Variants in ERI2 observed in about 807,000 individuals in gnomAD.
ERI2 encodes ERI1 exoribonuclease family member 2.
A neutral mutation model predicts 46.8 loss-of-function variants in ERI2; 35 were observed. The ratio of observed to expected loss-of-function variants is 0.75; its 90% CI spans 0.57 to 0.99. The LOEUF (loss-of-function observed/expected upper bound fraction) is 0.99, where lower values mean the gene tolerates loss of function less well. ERI2 is among the 50% of genes least tolerant of loss of function. ERI2 has a pLI of 0.00. For missense variants in ERI2, 695 were observed against 796.2 expected, an observed-to-expected ratio of 0.87 and a Z score of 1.53; for synonymous variants, 224 against 271.0, an observed-to-expected ratio of 0.83 and a Z score of 1.70.
At chr16:20,801,401 C>A in intron 4 of ERI2, 42 bp from the exon 5 acceptor site, 2 of 1,533,250 alleles carry the variant, frequency 1.3e-6, no homozygotes, top group South Asian at 1.3e-5. Context: ...CAATCAAATT[C>A]CATTATTATT....
chr16:20,803,816 A>G, intron 1 of ERI2, 146 bp from the exon 2 acceptor site: 1 of 958,030 alleles, frequency 1.0e-6, no homozygotes, highest in South Asian at 1.6e-5. Context: ...CTTTACCTGC[A>G]CAGGCCTCGA....
intron 10 of ERI2, chr16:20,781,914 T>A: frequency 1.5e-6 from 1 of 674,950 alleles, no homozygotes; most frequent in Non-Finnish European, 2.6e-6. Flanking sequence ...ATCTCTCCTC[T>A]TCCTCTTTCT....
At chr16:20,787,049 G>T (rs529889933) in intron 10 of ERI2, among the ~76,000 whole-genome samples, 1 of 152,142 alleles carries the variant, frequency 6.6e-6, no homozygotes, top group Non-Finnish European at 1.5e-5. Context: ...ATGCCTAGGG[G>T]GAATTCCAGT....
downstream of ERI2, among the ~76,000 whole-genome samples, chr16:20,794,419 C>T (rs1289982937): frequency 2.0e-5 from 3 of 152,108 alleles, no homozygotes; most frequent in Non-Finnish European, 4.4e-5. Context: ...CCATCCAATG[C>T]GATAGCCATG....
intron 10 of ERI2, among the ~76,000 whole-genome samples, chr16:20,788,065 T>A (rs1046948903): frequency 6.6e-6 from 1 of 152,208 alleles, no homozygotes; most frequent in African/African-American, 2.4e-5. Flanking sequence ...ATGGGTACTG[T>A]TATTTACTTC....
In ERI2 at chr16:20,790,994, C is replaced by A; in HGVS notation, c.733-62G>T. On this transcript the variant is annotated intron_variant, in intron 8 of 10. Coordinates refer to the ERI2 transcript ENST00000300005. The surrounding 1 kb of genome is among the most constrained non-coding windows in gnomAD (Gnocchi z 4.0). Reference sequence around the variant, plus strand: ...TCTCAATTATCAAACAAAACCCACTCATTTTCCTGAAATCCAGTTAGTGCT... The same window carrying A: ...TCTCAATTATCAAACAAAACCCACTAATTTTCCTGAAATCCAGTTAGTGCT... 6.5e-7 allele frequency: 1 copy of A among 1,545,270 alleles called. No homozygotes were observed. Among genetic ancestry groups the A allele is most frequent in the South Asian group, 1.1e-5 (1 of 87,336 alleles).
chr16:20,781,654 A>C, intron 10 of ERI2: 1 of 1,302,340 alleles, frequency 7.7e-7, no homozygotes, highest in Non-Finnish European at 1.1e-6. Context: ...AAAGACATTT[A>C]AGCACTTATT....
chr16:20,797,859 T>C lies in ERI2; in HGVS notation c.1941A>G (p.Arg647=), dbSNP rs1453422550. ...AATGAGATGGAACCATGCTGTTGGC[T>C]CTTTCCTTTTGAAGTGTTTGTTCCC... The part of the protein sequence containing the change: ...FKWEQTLQKE[R]ANSMVPSHST... Residue 647 remains arginine, a synonymous_variant, in exon 9 of 9, where the codon AGA becomes AGG. Coordinates refer to ENST00000357967, the MANE Select transcript of ERI2 (RefSeq NM_001142725.2). The C allele has an allele frequency of 6.4e-7, 1 of 1,551,508 alleles. No individual in the cohort carries two copies. The highest frequency in any genetic ancestry group is 8.7e-7 in the Non-Finnish European group (1 of 1,146,930).
chr16:20,796,492 A>G lies in ERI2; in HGVS notation c.*1232T>C. 1.2e-6 allele frequency: 2 copies of G among 1,610,948 alleles called. No homozygotes were observed. The highest frequency in any genetic ancestry group is 1.1e-5 in the South Asian group (1 of 90,346). On this transcript the variant is annotated 3_prime_UTR_variant, in exon 9 of 9. Transcript: ENST00000357967. ...CACCTTACAAATATCCCAGAAAGGT[A>G]GGCATCCTAATTATAACGAATATTT...
At chr16:20,796,174 G>T, downstream of ERI2, 1 of 873,220 alleles carries the variant, frequency 1.1e-6, no homozygotes, top group Non-Finnish European at 1.6e-6. Flanking sequence ...GTTGTTACAG[G>T]GGTCCCAGAA....
rs1471600452 is a variant in ERI2, at chr16:20,806,408, C to A, written c.23G>T (p.Arg8Leu). 5 of 1,550,730 alleles carry A rather than the reference C, an allele frequency of 3.2e-6. No homozygotes were observed. The African/African-American group carries it at 4.1e-5, about 13-fold the overall frequency. The part of the protein sequence containing the change: MATKRLA[R>L]QLGLIRRKSI... Reference sequence around the variant, plus strand: ...CCCGACCCGGAACTCCCTCGAGTACCGCGCGAGCCGCTTGGTCGCCATTCC... The same window carrying A: ...CCCGACCCGGAACTCCCTCGAGTACAGCGCGAGCCGCTTGGTCGCCATTCC... Residue 8 changes from arginine (R) to leucine (L), a missense_variant and splice_region_variant, in exon 1 of 9, where the codon CGG (arginine) becomes CTG (leucine). Arg to Leu is a moderately radical substitution (Grantham distance 102). Transcript: ENST00000357967.
chr16:20,788,701 C>T (rs1349065919), intron 10 of ERI2, among the ~76,000 whole-genome samples: 1 of 152,124 alleles, frequency 6.6e-6, no homozygotes, highest in East Asian at 1.9e-4. Flanking sequence ...TTTTAAGACC[C>T]TATGAACAAT....
rs1233840890 is a variant in ERI2, at chr16:20,797,735, T to C, written c.2065A>G (p.Met689Val). 7 of 1,544,648 alleles carry C rather than the reference T, an allele frequency of 4.5e-6. No homozygotes were observed. Among genetic ancestry groups the C allele is most frequent in the South Asian group, 2.4e-5 (2 of 82,506 alleles). The change falls in exon 9 of 9, where the codon ATG becomes GTG. Residue 689 changes from methionine to valine, a missense_variant. Coordinates refer to ENST00000357967, the MANE Select transcript of ERI2 (RefSeq NM_001142725.2). Reference sequence around the variant, plus strand: ...TACATGAAAGGTTATCAATTCCTCATTGAAGGCCTGAGTCTCAAAGAATTT... The same window carrying C: ...TACATGAAAGGTTATCAATTCCTCACTGAAGGCCTGAGTCTCAAAGAATTT... ...TKNSLRLRPS[M>V]RN
At chr16:20,795,195 T>G (rs543553951), downstream of ERI2, among the ~76,000 whole-genome samples, 3 of 152,276 alleles carry the variant, frequency 2.0e-5, no homozygotes, top group South Asian at 2.1e-4. Context: ...TGTTGTTGTT[T>G]TTTTTCTTAG....
intron 10 of ERI2, chr16:20,781,033 CA>C: frequency 6.2e-7 from 1 of 1,614,188 alleles, no homozygotes; most frequent in Non-Finnish European, 8.5e-7. Context: ...ACGGGCTGGG[CA>C]AAGTCTGCAT....
In ERI2 at chr16:20,797,860, C is replaced by G. The variant is rs1488192114; in HGVS notation, c.1940G>C (p.Arg647Thr). ...FKWEQTLQKE[R>T]ANSMVPSHST... The stretch of plus-strand genomic sequence containing the variant: ...ATGAGATGGAACCATGCTGTTGGCT[C>G]TTTCCTTTTGAAGTGTTTGTTCCCA... Residue 647 changes from arginine to threonine, a missense_variant, in exon 9 of 9, where the codon AGA becomes ACA. Arg to Thr is a moderately conservative substitution (Grantham distance 71, BLOSUM62 -1). Coordinates refer to ENST00000357967, the MANE Select transcript of ERI2 (RefSeq NM_001142725.2). The G allele has an allele frequency of 1.5e-5, 23 of 1,551,470 alleles. No homozygotes were observed. Among genetic ancestry groups the G allele is most frequent in the Non-Finnish European group, 2.0e-5 (23 of 1,146,928 alleles).
Position 20,803,489 on chromosome 16 carries a change from A to G in ERI2, c.119T>C (p.Ile40Thr), listed in dbSNP as rs777042188. ...ATTCCAGCATGTCGATTCAAAATCAATGACAATTAAGTAGTCAAACAACTG... is the reference window on the plus strand; with the variant it reads ...ATTCCAGCATGTCGATTCAAAATCAGTGACAATTAAGTAGTCAAACAACTG... ...SKQLFDYLIV[I>T]DFESTCWNDG... The change falls in exon 3 of 9, where the codon ATT (isoleucine) becomes ACT (threonine). Residue 40 changes from isoleucine (I) to threonine (T), a missense_variant. Transcript: ENST00000357967. 1.9e-6 allele frequency: 3 copies of G among 1,613,936 alleles called. No individual in the cohort carries two copies. Among genetic ancestry groups the G allele is most frequent in the Non-Finnish European group, 2.5e-6 (3 of 1,179,902 alleles).
In ERI2 at chr16:20,800,293, T is replaced by A; in HGVS notation, c.561+9A>T. ...AAAAAGTAAACATGCCCCCATTTTTTACCATTACCTTGTAAGTTGCTCTGA... is the reference window on the plus strand; with the variant it reads ...AAAAAGTAAACATGCCCCCATTTTTAACCATTACCTTGTAAGTTGCTCTGA... On this transcript the variant is annotated intron_variant, in intron 6 of 8. Transcript: ENST00000357967. 6.3e-7 allele frequency: 1 copy of A among 1,577,550 alleles called. No homozygotes were observed. Among genetic ancestry groups the A allele is most frequent in the Non-Finnish European group, 8.7e-7 (1 of 1,153,032 alleles).
At chr16:20,799,654 T>A in intron 7 of ERI2, 1 of 470,450 alleles carries the variant, frequency 2.1e-6, no homozygotes, top group Non-Finnish European at 3.7e-6. Flanking sequence ...AATCTAATAG[T>A]CTTGTTCAGT....
Sources: allele counts gnomAD v4.1 joint callset (sites outside exome capture counted in the v4.1 genomes callset), GRCh38; gene constraint gnomAD v4.1.1; non-coding constraint Gnocchi (gnomAD v3.1); transcripts MANE v1.5; gene names NCBI Gene and HGNC (gene_info 2026-07-23, HGNC 2026-07-21).